Variants in CNTN6 observed in about 807,000 individuals in gnomAD.
CNTN6 encodes the protein contactin-6.
A neutral mutation model predicts 122.8 loss-of-function variants in CNTN6; 137 were observed. The observed-to-expected ratio is 1.12, with a 90% confidence interval of 0.97 to 1.29. The LOEUF is 1.29. CNTN6 is among the 50% of genes most tolerant of loss of function. CNTN6 has a pLI of 0.00. For synonymous variants in CNTN6, 570 were observed against 426.0 expected (o/e 1.34, Z -4.16); for missense variants, 1,634 against 1,223.4 (o/e 1.34, Z -5.01).
rs1310092139 is a variant in CNTN6, at chr3:1,162,278, A to C, written c.55+14215A>C. 8.6e-4 allele frequency among the ~76,000 whole-genome samples: 109 copies of C among 126,734 alleles called. 1 individual carries two copies. The Admixed American group carries it at 8.8e-3, about 10-fold the overall frequency. The allele number at this position is 126,734 out of a possible 152,430, so 83.1% of individuals were successfully genotyped here. A position where few individuals can be genotyped will look rare whatever the true frequency, so the allele number is the denominator to read the frequency against. On this transcript the variant is annotated intron_variant, in intron 2 of 22. Transcript: ENST00000446702. ...TGATTTCTTTAATGTCAAAATGGGC[A>C]AAGAACCTTGTTTGTATTGTTTTGT... is the stretch of plus-strand genomic sequence containing the variant.
At chr3:1,106,968 C>G (rs956916903) in intron 1 of CNTN6, among the ~76,000 whole-genome samples, 2 of 151,966 alleles carry the variant, frequency 1.3e-5, no homozygotes, top group Non-Finnish European at 2.9e-5. Context: ...GCCACATTAT[C>G]TATCTATCTA....
In CNTN6 at chr3:1,179,267, C is replaced by A. The variant is rs182388757; in HGVS notation, c.55+31204C>A. On this transcript the variant is annotated intron_variant, in intron 2 of 22. Transcript: ENST00000446702. ...GGACCCAAACTATTCCCACTAGGCCCACTTCCAACACTAAAGGTTATATTT... is the reference window on the plus strand; with the variant it reads ...GGACCCAAACTATTCCCACTAGGCCAACTTCCAACACTAAAGGTTATATTT... 2.3e-3 allele frequency among the ~76,000 whole-genome samples: 347 copies of A among 152,242 alleles called. 13 individuals are homozygous for A. The highest frequency in any genetic ancestry group is 0.02 in the Admixed American group (304 of 15,278).
chr3:1,266,048 C>T (rs9310404), intron 4 of CNTN6, among the ~76,000 whole-genome samples: 2,176 of 151,372 alleles, frequency 0.014, 47 homozygotes, highest in African/African-American at 0.047. Flanking sequence ...CACCTAAGTG[C>T]GTCACCCATA....
chr3:1,236,533 A>G (rs895668471), intron 4 of CNTN6, among the ~76,000 whole-genome samples: 4 of 152,188 alleles, frequency 2.6e-5, no homozygotes, highest in African/African-American at 9.7e-5. Context: ...GGGAAGCGGG[A>G]GAACACCGAA....
rs373534814 is a variant in CNTN6, at chr3:1,366,171, A to G, written c.1493-6128A>G. 1.4e-4 allele frequency among the ~76,000 whole-genome samples: 22 copies of G among 152,318 alleles called. No individual in the cohort carries two copies. In the South Asian group the frequency reaches 3.7e-3, roughly 26 times the overall value. On this transcript the variant is annotated intron_variant, in intron 12 of 22. Coordinates refer to ENST00000446702, the MANE Select transcript of CNTN6 (RefSeq NM_001289080.2). The stretch of plus-strand genomic sequence containing the variant: ...CACATGTTAAAATTTTAAAACCACT[A>G]GATCAGACTTCCTACAAATGGCTAA...
intron 2 of CNTN6, among the ~76,000 whole-genome samples, chr3:1,186,717 G>C (rs550086048): frequency 1.3e-5 from 2 of 152,190 alleles, no homozygotes; most frequent in East Asian, 3.9e-4. Context: ...GCTGGCTGGA[G>C]ACCTTTTACA....
chr3:1,179,218 C>G (rs2093510054), intron 2 of CNTN6, among the ~76,000 whole-genome samples: 1 of 152,142 alleles, frequency 6.6e-6, no homozygotes, highest in African/African-American at 2.4e-5. Flanking sequence ...ACAGCACAAG[C>G]CATTCATGAG....
At chr3:1,098,789 C>CATAT (rs1169127167) in intron 1 of CNTN6, among the ~76,000 whole-genome samples, 2,528 of 63,026 alleles carry the variant, frequency 0.04, 70 homozygotes, top group Middle Eastern at 0.059. Flanking sequence ...CACACACACA[C>CATAT]ATATATATAT....
At chr3:1,303,887 C>A (rs1289783100) in intron 7 of CNTN6, among the ~76,000 whole-genome samples, 1 of 152,092 alleles carries the variant, frequency 6.6e-6, no homozygotes, top group Non-Finnish European at 1.5e-5. Context: ...AAAATGAAAT[C>A]CCCAACTGAA....
At chr3:1,154,977 G>A (rs560093338) in intron 2 of CNTN6, among the ~76,000 whole-genome samples, 2 of 152,100 alleles carry the variant, frequency 1.3e-5, no homozygotes, top group South Asian at 2.1e-4. Context: ...CTGTTCAGTC[G>A]TGTGAAACAC....
At chr3:1,098,789 C>CAT (rs1169127167) in intron 1 of CNTN6, among the ~76,000 whole-genome samples, 2,564 of 63,150 alleles carry the variant, frequency 0.041, 75 homozygotes, top group East Asian at 0.19. Flanking sequence ...CACACACACA[C>CAT]ATATATATAT....
At chr3:1,274,146 A>G (rs1173037139) in intron 4 of CNTN6, among the ~76,000 whole-genome samples, 1 of 149,900 alleles carries the variant, frequency 6.7e-6, no homozygotes, top group Non-Finnish European at 1.5e-5. Context: ...AACAGAAACA[A>G]TGATTTCAAT....
At chr3:1,247,454 A>T (rs1008541101) in intron 4 of CNTN6, among the ~76,000 whole-genome samples, 1 of 77,662 alleles carries the variant, frequency 1.3e-5, no homozygotes, top group African/African-American at 5.2e-5. Flanking sequence ...TATATGGTTT[A>T]AAAAAAAAAG....
chr3:1,157,649 G>A (rs566184170), intron 2 of CNTN6, among the ~76,000 whole-genome samples: 54 of 149,016 alleles, frequency 3.6e-4, no homozygotes, highest in Non-Finnish European at 5.9e-4. Context: ...CCCTCCCGCC[G>A]TCCCAGTTTC....
Position 1,380,571 on chromosome 3 carries a change from T to A in CNTN6, c.2167-2371T>A, listed in dbSNP as rs964493738. 2.6e-5 allele frequency among the ~76,000 whole-genome samples: 4 copies of A among 152,164 alleles called. No individual in the cohort carries two copies. The East Asian group carries it at 7.7e-4, about 29-fold the overall frequency. On this transcript the variant is annotated intron_variant, in intron 17 of 22. Coordinates refer to ENST00000446702, the MANE Select transcript of CNTN6 (RefSeq NM_001289080.2). ...GGATAAAGCACTATAGAGTAAGAGATACATACCTACACTGAGGGTTGGCAC... is the reference window on the plus strand; with the variant it reads ...GGATAAAGCACTATAGAGTAAGAGAAACATACCTACACTGAGGGTTGGCAC...
At position 1,402,360 on chromosome 3, in the gene CNTN6, G is replaced by A; in HGVS notation, c.2860G>A (p.Glu954Lys). 1 of 1,611,292 alleles carries A rather than the reference G, an allele frequency of 6.2e-7. No homozygotes were observed. Among genetic ancestry groups the A allele is most frequent in the Non-Finnish European group, 8.5e-7 (1 of 1,178,596 alleles). ...CAGACAGAGTAAAACTCATATTTTG[G>A]AAACAAACAATACATCAGCTGAGCT... Reference protein sequence around the residue: ...QNRQSKTHILETNNTSAELLV... With the variant: ...QNRQSKTHILKTNNTSAELLV... Residue 954 changes from glutamate to lysine, a missense_variant, in exon 22 of 23, where the codon GAA (glutamate) becomes AAA (lysine). Coordinates refer to ENST00000446702, the MANE Select transcript of CNTN6 (RefSeq NM_001289080.2).
At chr3:1,313,801 G>T (rs1699730817) in intron 7 of CNTN6, among the ~76,000 whole-genome samples, 1 of 152,038 alleles carries the variant, frequency 6.6e-6, no homozygotes, top group African/African-American at 2.4e-5. Context: ...CTGGAGGCTG[G>T]GAAGTCCATG....
chr3:1,317,767 C>T (rs1478187241), intron 7 of CNTN6, among the ~76,000 whole-genome samples: 1 of 151,512 alleles, frequency 6.6e-6, no homozygotes, highest in African/African-American at 2.4e-5. Flanking sequence ...TGGCTATGCC[C>T]TACAAGCCTC....
intron 22 of CNTN6, chr3:1,402,710 C>G (rs575744850): frequency 1.0e-5 from 4 of 396,912 alleles, no homozygotes; most frequent in Non-Finnish European, 1.8e-5. Context: ...AAAAAGAGAA[C>G]AGGAAAAAAA....
Sources: gnomAD v4.1 joint callset for allele counts (sites outside exome capture counted in the v4.1 genomes callset) on GRCh38, gnomAD v4.1.1 for gene constraint, MANE v1.5 for transcripts, NCBI Gene and HGNC (gene_info 2026-07-23, HGNC 2026-07-21) for gene names.